SHOC2: variants seen among roughly 807,000 people sequenced by gnomAD.
SHOC2 encodes the protein leucine-rich repeat protein SHOC-2.
In SHOC2, 4 loss-of-function variants were observed where a neutral mutation model predicts 50.2. That is an observed-to-expected ratio of 0.08 (90% CI 0.04 to 0.18). The LOEUF is 0.18. Among genes scored for constraint, SHOC2 ranks in the 10% least tolerant of loss-of-function variants. SHOC2 has a pLI of 1.00. For missense variants in SHOC2, 388 were observed against 669.6 expected (o/e 0.58, Z 4.64); for synonymous variants, 218 against 244.5 (o/e 0.89, Z 1.01).
chr10:110,964,074 T>C lies in SHOC2; in HGVS notation c.-234-51T>C, dbSNP rs1423988121. 2.2e-6 allele frequency: 1 copy of C among 444,966 alleles called. No homozygotes were observed. Among genetic ancestry groups the C allele is most frequent in the Non-Finnish European group, 3.9e-6 (1 of 255,282 alleles). 27.6% of individuals were successfully genotyped at this position (444,966 alleles called of 1,614,324 possible). A position where few individuals can be genotyped will look rare whatever the true frequency, so the allele number is the denominator to read the frequency against. On this transcript the variant is annotated intron_variant, in intron 1 of 8. Transcript: ENST00000369452. This position sits in a 1 kb window ranked among gnomAD's most constrained non-coding sequence, Gnocchi z 4.9. ...TAATAAGATTGTTTTTCAGAGCCTA[T>C]TTAATATAAATTATCTAAAGTAATT... is the stretch of plus-strand genomic sequence containing the variant.
intron 8 of SHOC2, among the ~76,000 whole-genome samples, chr10:111,011,408 T>C (rs896626587): frequency 1.3e-5 from 2 of 152,122 alleles, no homozygotes; most frequent in African/African-American, 4.8e-5. Context: ...CCTGGACATA[T>C]AGGAGTTTAA....
intron 1 of SHOC2, among the ~76,000 whole-genome samples, chr10:110,922,651 A>G (rs993779394): frequency 3.9e-5 from 6 of 152,078 alleles, no homozygotes; most frequent in African/African-American, 9.7e-5. Context: ...ATTAATGCTT[A>G]TAACAAAATA....
intron 7 of SHOC2, 45 bp downstream of exon 7, chr10:111,009,430 C>A: frequency 6.7e-7 from 1 of 1,489,656 alleles, no homozygotes; most frequent in Non-Finnish European, 9.4e-7. Context: ...TTTTTGGAAT[C>A]TGTTCCAAAT....
Position 110,999,736 on chromosome 10 carries a change from CA to C in SHOC2, c.842-656del, listed in dbSNP as rs145780250. ...TGGGTGATAGAGTGAGACTCAGTCT[CA>C]AAAAAAAAAAAAAAAAAAAAAAGAA... On this transcript the variant is annotated intron_variant, in intron 3 of 8. Transcript: ENST00000369452. 5.1e-3 allele frequency among the ~76,000 whole-genome samples: 415 copies of C among 81,662 alleles called. 1 individual carries two copies. Among genetic ancestry groups the C allele is most frequent in the African/African-American group, 0.021 (397 of 18,878 alleles). 53.6% of individuals were successfully genotyped at this position (81,662 alleles called of 152,430 possible).
chr10:111,013,610 G>T lies in SHOC2; in HGVS notation c.*1792G>T, dbSNP rs1313108211. The T allele has an allele frequency of 6.6e-6, 1 of 151,072 alleles. No individual in the cohort carries two copies. Among genetic ancestry groups the T allele is most frequent in the Non-Finnish European group, 1.5e-5 (1 of 67,772 alleles). The allele number at this position is 151,072 out of a possible 1,614,324, so 9.4% of individuals were successfully genotyped here. ...TTTTTTTTTCCCCCCATCTGCTGTG[G>T]CTTTTCAGTTAAAATTTTGTTTATA... On this transcript the variant is annotated 3_prime_UTR_variant, in exon 9 of 9. Transcript: ENST00000369452.
At chr10:110,958,002 T>C (rs1029925645) in intron 1 of SHOC2, among the ~76,000 whole-genome samples, 1 of 152,172 alleles carries the variant, frequency 6.6e-6, no homozygotes, top group Non-Finnish European at 1.5e-5. Context: ...AACAAACTTG[T>C]CTGTAGCTGA....
chr10:110,964,390 C>A lies in SHOC2; in HGVS notation c.32C>A (p.Ser11Tyr), dbSNP rs1381863749. The change falls in exon 2 of 9, where the codon TCT becomes TAT. Residue 11 changes from serine to tyrosine, a missense_variant. Physicochemically the swap from Ser to Tyr is moderately radical, Grantham distance 144. Transcript: ENST00000369452. This position sits in a 1 kb window ranked among gnomAD's most constrained non-coding sequence, Gnocchi z 4.9. ...AGTAGTTTAGGAAAAGAAAAAGACT[C>A]TAAAGAAAAAGATCCCAAAGTACCA... MSSSLGKEKD[S>Y]KEKDPKVPSA... 1 of 1,612,992 alleles carries A rather than the reference C, an allele frequency of 6.2e-7. No homozygotes were observed. Among genetic ancestry groups the A allele is most frequent in the Non-Finnish European group, 8.5e-7 (1 of 1,179,746 alleles).
chr10:110,944,361 A>T (rs1181661514), intron 1 of SHOC2, among the ~76,000 whole-genome samples: 2 of 142,480 alleles, frequency 1.4e-5, no homozygotes, highest in Non-Finnish European at 3.0e-5. Context: ...CAGATCACAA[A>T]TGAAAAGTAT....
chr10:110,969,153 CAAAT>C (rs1206792552), intron 2 of SHOC2, among the ~76,000 whole-genome samples: 2 of 152,124 alleles, frequency 1.3e-5, no homozygotes, highest in African/African-American at 2.4e-5. Flanking sequence ...AAGGCATAGA[CAAAT>C]AAAGTAAGTG....
chr10:110,923,123 G>T (rs1309137239), intron 1 of SHOC2, among the ~76,000 whole-genome samples: 1 of 151,854 alleles, frequency 6.6e-6, no homozygotes, highest in Non-Finnish European at 1.5e-5. Context: ...TCATTTACTT[G>T]TTACACTGCA....
At position 110,937,124 on chromosome 10, in the gene SHOC2, CG is replaced by C. The variant is rs928716203; in HGVS notation, c.-235+17468del. 4.1e-6 allele frequency: 6 copies of C among 1,472,130 alleles called. No homozygotes were observed. The East Asian group carries it at 1.4e-4, about 33-fold the overall frequency. 91.2% of individuals were successfully genotyped at this position (1,472,130 alleles called of 1,614,324 possible). ...GCCAGAAATGTTGATGCCTTTGCAG[CG>C]TACGACCACCACCTTCCGGCCCAGC... On this transcript the variant is annotated intron_variant, in intron 1 of 8. Transcript: ENST00000369452.
chr10:110,946,967 CAT>C (rs1316317139), intron 1 of SHOC2, among the ~76,000 whole-genome samples: 1 of 152,118 alleles, frequency 6.6e-6, no homozygotes, highest in Non-Finnish European at 1.5e-5. Context: ...AATAACCACT[CAT>C]AGACAAAAAT....
At chr10:111,009,667 G>A (rs1475213115) in intron 7 of SHOC2, 46 bp from the exon 8 acceptor site, 17 of 1,166,914 alleles carry the variant, frequency 1.5e-5, no homozygotes, top group Non-Finnish European at 1.9e-5. Flanking sequence ...TACATTAAAT[G>A]TAGGAAATAT....
chr10:111,004,484 C>T, intron 4 of SHOC2, 122 bp from the exon 5 acceptor site: 1 of 713,458 alleles, frequency 1.4e-6, no homozygotes, highest in South Asian at 1.6e-5. Flanking sequence ...ACTGCCCCAA[C>T]CAGTCTCTGT....
intron 2 of SHOC2, among the ~76,000 whole-genome samples, chr10:110,966,039 A>G (rs979324824): frequency 6.6e-6 from 1 of 152,038 alleles, no homozygotes; most frequent in Non-Finnish European, 1.5e-5. Flanking sequence ...TGCTTTCAGC[A>G]TTGGTCTTAT....
At chr10:110,998,979 A>G (rs779075921) in intron 3 of SHOC2, among the ~76,000 whole-genome samples, 1 of 152,236 alleles carries the variant, frequency 6.6e-6, no homozygotes, top group Non-Finnish European at 1.5e-5. Context: ...GTAATATTGC[A>G]TCTAAGAAAG....
Position 110,964,530 on chromosome 10 carries a change from A to G in SHOC2, c.172A>G (p.Ser58Gly), listed in dbSNP as rs1847635723. Residue 58 changes from serine to glycine, a missense_variant, in exon 2 of 9, where the codon AGT becomes GGT. By Grantham distance (56) the Ser-to-Gly change is moderately conservative. Transcript: ENST00000369452. The surrounding 1 kb of genome is among the most constrained non-coding windows in gnomAD (Gnocchi z 4.9). ...TGCCAAAGATGGAAAGAAGGACTCC[A>G]GTGCTGCCCAACCAGGGGTGGCATT... ...KDAKDGKKDSSAAQPGVAFSV... is the reference protein window; with the variant it reads ...KDAKDGKKDSGAAQPGVAFSV... The G allele has an allele frequency of 4.3e-6, 7 of 1,614,006 alleles. No individual in the cohort carries two copies. Among genetic ancestry groups the G allele is most frequent in the Non-Finnish European group, 5.9e-6 (7 of 1,180,016 alleles).
At chr10:110,946,609 A>T (rs918465398) in intron 1 of SHOC2, among the ~76,000 whole-genome samples, 2 of 152,140 alleles carry the variant, frequency 1.3e-5, no homozygotes, top group African/African-American at 2.4e-5. Context: ...AACAATGTGG[A>T]TATTTGAGAG....
Position 111,007,623 on chromosome 10 carries a change from T to C in SHOC2, c.1254T>C (p.Pro418=). 1 of 1,613,712 alleles carries C rather than the reference T, an allele frequency of 6.2e-7. No individual in the cohort carries two copies. Among genetic ancestry groups the C allele is most frequent in the Non-Finnish European group, 8.5e-7 (1 of 1,179,726 alleles). Residue 418 remains proline, a synonymous_variant, in exon 6 of 9, where the codon CCT becomes CCC. Transcript: ENST00000369452. ...CCACTAATCAGCTCACAAAGATCCC[T>C]GAGGATGTGTCTGGTCTCGTTTCTC... The part of the protein sequence containing the change: ...NLATNQLTKI[P]EDVSGLVSLE...
Sources: allele counts gnomAD v4.1 joint callset (sites outside exome capture counted in the v4.1 genomes callset), GRCh38; gene constraint gnomAD v4.1.1; non-coding constraint Gnocchi (gnomAD v3.1); transcripts MANE v1.5; gene names NCBI Gene and HGNC (gene_info 2026-07-23, HGNC 2026-07-21).